The following NR3C2 variants were observed in gnomAD, a reference collection of about 807,000 sequenced individuals.
The protein encoded by NR3C2 is nuclear receptor subfamily 3 group C member 2, also known as mineralocorticoid receptor.
Under a neutral mutation model 86.4 loss-of-function variants are expected in NR3C2, and 15 were observed. The observed-to-expected ratio is 0.17, with a 90% CI of 0.12 to 0.27. NR3C2 has a LOEUF of 0.27. NR3C2 is among the 10% of genes least tolerant of loss of function. The pLI is 1.00. For synonymous variants in NR3C2, 458 were observed against 450.5 expected, an observed-to-expected ratio of 1.02 and a Z score of -0.21; for missense variants, 960 against 1,195.6, an observed-to-expected ratio of 0.80 and a Z score of 2.91.
intron 2 of NR3C2, among the ~76,000 whole-genome samples, chr4:148,428,766 C>T (rs1749667225): frequency 6.6e-6 from 1 of 152,100 alleles, no homozygotes. Flanking sequence ...TAGCTCTCAT[C>T]CTTCTACACA....
intron 4 of NR3C2, among the ~76,000 whole-genome samples, chr4:148,159,982 T>G (rs1734582539): frequency 6.6e-6 from 1 of 152,166 alleles, no homozygotes; most frequent in Non-Finnish European, 1.5e-5. Context: ...ACAGTAGCTG[T>G]GTGTGTATCT....
intron 3 of NR3C2, among the ~76,000 whole-genome samples, chr4:148,205,017 T>C (rs1652402191): frequency 1.3e-5 from 2 of 152,204 alleles, no homozygotes; most frequent in African/African-American, 4.8e-5. Context: ...GAGGCCAGGA[T>C]AGAGAGAAGG....
At chr4:148,118,512 C>G (rs1173421281) in intron 7 of NR3C2, among the ~76,000 whole-genome samples, 1 of 152,112 alleles carries the variant, frequency 6.6e-6, no homozygotes, top group Non-Finnish European at 1.5e-5. Flanking sequence ...TGATGGTAAC[C>G]CCACTCACCA....
chr4:148,182,478 C>G (rs946967625), intron 4 of NR3C2, among the ~76,000 whole-genome samples: 5 of 152,226 alleles, frequency 3.3e-5, no homozygotes, highest in African/African-American at 1.2e-4. Flanking sequence ...AGTTTTCACT[C>G]TGCCCATTTT....
At chr4:148,314,363 C>T (rs996058187) in intron 2 of NR3C2, among the ~76,000 whole-genome samples, 1 of 152,040 alleles carries the variant, frequency 6.6e-6, no homozygotes, top group African/African-American at 2.4e-5. Flanking sequence ...TATAACTATG[C>T]TTAAAATATT....
At chr4:148,239,917 C>T (rs9994862) in intron 3 of NR3C2, among the ~76,000 whole-genome samples, 54,796 of 151,614 alleles carry the variant, frequency 0.36, 11,079 homozygotes, top group East Asian at 0.48. Flanking sequence ...TGGTTTTCTC[C>T]CCTCCTCTTT....
chr4:148,296,792 A>G (rs956486942), intron 2 of NR3C2, among the ~76,000 whole-genome samples: 2 of 152,196 alleles, frequency 1.3e-5, no homozygotes, highest in Admixed American at 1.3e-4. Flanking sequence ...ACTTCACAAT[A>G]CTCAGGATTT....
chr4:148,213,810 C>T (rs866972879), intron 3 of NR3C2, among the ~76,000 whole-genome samples: 2 of 152,176 alleles, frequency 1.3e-5, no homozygotes, highest in Non-Finnish European at 2.9e-5. Context: ...GAATACGCCA[C>T]GAAACTACAG....
intron 2 of NR3C2, among the ~76,000 whole-genome samples, chr4:148,342,831 G>A (rs1353199386): frequency 6.6e-6 from 1 of 152,034 alleles, no homozygotes; most frequent in Non-Finnish European, 1.5e-5. Flanking sequence ...CGTTTTGTCT[G>A]TATTTTTACT....
At chr4:148,211,256 A>G (rs1054806130) in intron 3 of NR3C2, among the ~76,000 whole-genome samples, 8 of 152,256 alleles carry the variant, frequency 5.3e-5, no homozygotes, top group African/African-American at 1.9e-4. Flanking sequence ...CAGGAGATAA[A>G]TAAAACCCGA....
chr4:148,085,377 T>C (rs1394277356), intron 8 of NR3C2, among the ~76,000 whole-genome samples: 1 of 152,210 alleles, frequency 6.6e-6, no homozygotes, highest in African/African-American at 2.4e-5. Flanking sequence ...CCGAAAAACC[T>C]GCTCCTGAAT....
intron 8 of NR3C2, among the ~76,000 whole-genome samples, chr4:148,106,314 A>T (rs1027062133): frequency 6.6e-6 from 1 of 152,208 alleles, no homozygotes; most frequent in Non-Finnish European, 1.5e-5. Flanking sequence ...AAGGGATGTG[A>T]AGGACATCTT....
chr4:148,095,601 C>T (rs550477761), intron 8 of NR3C2, among the ~76,000 whole-genome samples: 5 of 152,294 alleles, frequency 3.3e-5, no homozygotes, highest in Middle Eastern at 3.4e-3. Context: ...TGAGCATGCT[C>T]GGTGCAGCAG....
intron 2 of NR3C2, among the ~76,000 whole-genome samples, chr4:148,288,037 A>G (rs1741615246): frequency 6.6e-6 from 1 of 152,200 alleles, no homozygotes. Flanking sequence ...CCATAAAATC[A>G]TTTCCATAAA....
chr4:148,351,265 C>G (rs1339852498), intron 2 of NR3C2, among the ~76,000 whole-genome samples: 1 of 152,154 alleles, frequency 6.6e-6, no homozygotes, highest in Admixed American at 6.5e-5. Flanking sequence ...CCTGCCTCAG[C>G]CTCCCAAGTA....
At chr4:148,147,430 AC>A (rs1733920437) in intron 6 of NR3C2, among the ~76,000 whole-genome samples, 1 of 152,216 alleles carries the variant, frequency 6.6e-6, no homozygotes, top group South Asian at 2.1e-4. Context: ...GCCCCTTCAC[AC>A]TGATTAATAG....
chr4:148,319,905 C>T (rs931447627), intron 2 of NR3C2, among the ~76,000 whole-genome samples: 1 of 142,130 alleles, frequency 7.0e-6, no homozygotes, highest in African/African-American at 2.7e-5. Flanking sequence ...CCAGAACTTC[C>T]AACACTATGT....
In NR3C2 at chr4:148,216,159, T is replaced by C. The variant is rs556862749; in HGVS notation, c.1898-21297A>G. On this transcript the variant is annotated intron_variant, in intron 3 of 8. Coordinates refer to ENST00000358102, the MANE Select transcript of NR3C2 (RefSeq NM_000901.5). ...GTATGGCTCTGTTCCAATAAAACTT[T>C]ATTTATTAACACTGAAATGTGGATT... Among the ~76,000 whole-genome samples the C allele has an allele frequency of 3.3e-4, 50 of 152,276 alleles. No homozygotes were observed. The South Asian group carries it at 6.4e-3, about 20-fold the overall frequency.
chr4:148,336,450 T>C (rs77471307), intron 2 of NR3C2, among the ~76,000 whole-genome samples: 24,452 of 152,158 alleles, frequency 0.16, 2,483 homozygotes, highest in Non-Finnish European at 0.22. Context: ...TAAATTGGTA[T>C]GATTTAGCCG....
Sources: gnomAD v4.1 joint callset for allele counts (sites outside exome capture counted in the v4.1 genomes callset) on GRCh38, gnomAD v4.1.1 for gene constraint, MANE v1.5 for transcripts, NCBI Gene and HGNC (gene_info 2026-07-23, HGNC 2026-07-21) for gene names.